USP7: variants seen among roughly 807,000 people sequenced by gnomAD.
USP7 encodes ubiquitin C-terminal hydrolase 7.
USP7 carries 9 observed loss-of-function variants against 162.9 expected under a neutral mutation model. The ratio of observed to expected loss-of-function variants is 0.06; its 90% CI spans 0.03 to 0.10. USP7 has a LOEUF of 0.10. Among genes scored for constraint, USP7 ranks in the 10% least tolerant of loss-of-function variants. The pLI is 1.00. For synonymous variants in USP7, 562 were observed against 475.9 expected, an observed-to-expected ratio of 1.18 and a Z score of -2.35; for missense variants, 715 against 1,373.7, an observed-to-expected ratio of 0.52 and a Z score of 7.58.
At chr16:8,913,593 T>TA (rs1230112659) in intron 10 of USP7, among the ~76,000 whole-genome samples, 3 of 151,848 alleles carry the variant, frequency 2.0e-5, no homozygotes, top group African/African-American at 4.9e-5. Flanking sequence ...GCAGATGAAA[T>TA]AAAATCTTTC....
intron 28 of USP7, 80 bp from the exon 29 acceptor site, chr16:8,894,935 A>G: frequency 1.2e-6 from 2 of 1,613,278 alleles, no homozygotes; most frequent in South Asian, 2.2e-5. Flanking sequence ...GCCAAAACCA[A>G]CGCCTAACCC....
intron 12 of USP7, 139 bp from the exon 13 acceptor site, chr16:8,906,721 T>C (rs1032404370): frequency 1.2e-5 from 9 of 778,430 alleles, no homozygotes; most frequent in Non-Finnish European, 1.6e-5. Flanking sequence ...GCCTATGAAG[T>C]ACATAACGTA....
rs1897504816 is a variant in USP7 at position 8,918,536 on chromosome 16, A to G, written c.720+495T>C. On this transcript the variant is annotated intron_variant, in intron 6 of 30. Coordinates refer to ENST00000344836, the MANE Select transcript of USP7 (RefSeq NM_003470.3). ...CTGCAAAATTAGGTCATGGCTGGGCATGGTGGATCATGCCTATAATCTGAG... is the reference window on the plus strand; with the variant it reads ...CTGCAAAATTAGGTCATGGCTGGGCGTGGTGGATCATGCCTATAATCTGAG... Among the ~76,000 whole-genome samples, 2 of 152,208 alleles carry G rather than the reference A, an allele frequency of 1.3e-5. 1 individual carries two copies. The highest frequency in any genetic ancestry group is 4.1e-4 in the South Asian group (2 of 4,826).
At chr16:8,938,734 G>A (rs372680592) in intron 1 of USP7, among the ~76,000 whole-genome samples, 6 of 151,490 alleles carry the variant, frequency 4.0e-5, no homozygotes, top group African/African-American at 1.5e-4. Flanking sequence ...TTGGGGGGAC[G>A]GGGGAGTCTG....
intron 1 of USP7, among the ~76,000 whole-genome samples, chr16:8,953,080 C>T (rs933044524): frequency 2.6e-5 from 4 of 152,084 alleles, no homozygotes; most frequent in African/African-American, 9.7e-5. Flanking sequence ...CGTAATCTGT[C>T]GCCTTGGCCT....
chr16:8,925,722 C>T (rs553955041), intron 2 of USP7, among the ~76,000 whole-genome samples: 9 of 152,260 alleles, frequency 5.9e-5, no homozygotes, highest in African/African-American at 1.9e-4. Context: ...ACTGCACACT[C>T]GATTTCAGCC....
intron 3 of USP7, among the ~76,000 whole-genome samples, chr16:8,921,866 C>G (rs772106816): frequency 6.6e-6 from 1 of 152,212 alleles, no homozygotes; most frequent in South Asian, 2.1e-4. Flanking sequence ...ACCATACATA[C>G]AGCACTTAAG....
At chr16:8,946,822 C>T (rs1328487083) in intron 1 of USP7, among the ~76,000 whole-genome samples, 3 of 152,222 alleles carry the variant, frequency 2.0e-5, no homozygotes, top group African/African-American at 7.2e-5. Flanking sequence ...TTTCCAACAA[C>T]GCCAATGTCT....
chr16:8,950,535 C>G (rs773053812), intron 1 of USP7, among the ~76,000 whole-genome samples: 3 of 152,232 alleles, frequency 2.0e-5, no homozygotes, highest in Non-Finnish European at 4.4e-5. Context: ...CTTGAGAACA[C>G]TGAAGACTTT....
Position 8,963,746 on chromosome 16 carries a change from G to A in USP7, c.-461C>T, listed in dbSNP as rs1900117559. Among the ~76,000 whole-genome samples, 1 of 144,234 alleles carries A rather than the reference G, an allele frequency of 6.9e-6. No homozygotes were observed. The highest frequency in any genetic ancestry group is 2.5e-5 in the African/African-American group (1 of 40,278). The allele number at this position is 144,234 out of a possible 152,430, so 94.6% of individuals were successfully genotyped here. ...CGGCCGCGGCGGGCCTGCGGGCCCT[G>A]GGGCCGGCGGGAGCGGCGGAGCGGG... On this transcript the variant is annotated 5_prime_UTR_variant, in exon 1 of 31. Coordinates refer to ENST00000344836, the MANE Select transcript of USP7 (RefSeq NM_003470.3).
chr16:8,899,703 T>G lies in USP7; in HGVS notation c.2364A>C (p.Arg788=). 2 of 1,614,242 alleles carry G rather than the reference T, an allele frequency of 1.2e-6. No homozygotes were observed. The highest frequency in any genetic ancestry group is 4.5e-5 in the East Asian group (2 of 44,890). Residue 788 remains arginine, a synonymous_variant, in exon 22 of 31, where the codon CGA becomes CGC. Transcript: ENST00000344836. ...TGACATCAACGCGGTGGTAGAGATC[T>G]CGGAAATACTCCTTTGCGGTGGGTA... ...SELPTAKEYF[R]DLYHRVDVIF...
chr16:8,913,467 T>G (rs1363458346), intron 10 of USP7, among the ~76,000 whole-genome samples: 1 of 151,956 alleles, frequency 6.6e-6, no homozygotes, highest in Non-Finnish European at 1.5e-5. Context: ...GTAAGGACAC[T>G]ACAGCCCACT....
At chr16:8,930,727 G>C (rs865932869) in intron 1 of USP7, among the ~76,000 whole-genome samples, 1 of 152,146 alleles carries the variant, frequency 6.6e-6, no homozygotes, top group African/African-American at 2.4e-5. Context: ...CTAGCATTTT[G>C]AGAGGCCAAG....
intron 10 of USP7, among the ~76,000 whole-genome samples, chr16:8,914,364 A>C (rs1477066438): frequency 6.6e-6 from 1 of 151,822 alleles, no homozygotes; most frequent in Non-Finnish European, 1.5e-5. Context: ...AATCTCGCTA[A>C]CTTGATCCAT....
At chr16:8,901,899 A>G in intron 18 of USP7, 183 bp downstream of exon 18, 1 of 609,622 alleles carries the variant, frequency 1.6e-6, no homozygotes, top group Non-Finnish European at 2.9e-6. Context: ...TCCGGGCCTC[A>G]CAGGAAACTC....
intron 2 of USP7, among the ~76,000 whole-genome samples, chr16:8,924,548 G>C (rs1897886874): frequency 1.3e-5 from 2 of 152,230 alleles, no homozygotes; most frequent in South Asian, 2.1e-4. Flanking sequence ...CACAAAATGA[G>C]ACTTGTAGGC....
At chr16:8,901,101 G>A in intron 19 of USP7, 41 bp downstream of exon 19, 1 of 1,613,136 alleles carries the variant, frequency 6.2e-7, no homozygotes, top group Non-Finnish European at 8.5e-7. Flanking sequence ...GTAATGTACT[G>A]AGCAAAATCT....
chr16:8,901,995 A>G (rs1008584119), intron 18 of USP7, 87 bp downstream of exon 18: 1 of 1,089,240 alleles, frequency 9.2e-7, no homozygotes, highest in African/African-American at 1.6e-5. Context: ...GCAAGGGAAG[A>G]AGGCTTAACC....
chr16:8,915,348 C>CA lies in USP7; in HGVS notation c.988-5dup. 1.2e-6 allele frequency: 2 copies of CA among 1,613,226 alleles called. No homozygotes were observed. The highest frequency in any genetic ancestry group is 1.7e-6 in the Non-Finnish European group (2 of 1,179,676). ...CTTCTTTACACTGGATATAGGACTG[C>CA]AAATAAGGAAAGTAAAAGTGGTTTA... On this transcript the variant is annotated splice_polypyrimidine_tract_variant and splice_region_variant and intron_variant, in intron 9 of 30. Coordinates refer to ENST00000344836, the MANE Select transcript of USP7 (RefSeq NM_003470.3).
Sources: gnomAD v4.1 joint callset for allele counts (sites outside exome capture counted in the v4.1 genomes callset) on GRCh38, gnomAD v4.1.1 for gene constraint, MANE v1.5 for transcripts, NCBI Gene and HGNC (gene_info 2026-07-23, HGNC 2026-07-21) for gene names.